PLAGL1: variants seen among roughly 807,000 people sequenced by gnomAD.
PLAGL1 encodes PLAG1 like zinc finger 1.
In PLAGL1, 1 loss-of-function variant was observed where a neutral mutation model predicts 4.6. That is an observed-to-expected ratio of 0.22 (90% CI 0.08 to 1.03). The LOEUF (loss-of-function observed/expected upper bound fraction) is 1.03. Among genes scored for constraint, PLAGL1 ranks in the 50% least tolerant of loss-of-function variants. PLAGL1 has a pLI of 0.58. For synonymous variants in PLAGL1, 240 were observed against 237.8 expected (o/e 1.01, Z -0.08); for missense variants, 464 against 570.4 (o/e 0.81, Z 1.90).
chr6:144,054,776 AGTGTGTGTGTGT>A lies in PLAGL1; in HGVS notation c.-151+9680_-151+9691del, dbSNP rs55975441. On this transcript the variant is annotated intron_variant, in intron 1 of 3. Transcript: ENST00000437412. ...AAAAGAAAAAGAAAAACTAAAAAAG[AGTGTGTGTGTGT>A]GTGTGTGTGTGTGTGTGTGTGTGTG... Among the ~76,000 whole-genome samples the A allele has an allele frequency of 5.4e-3, 771 of 142,268 alleles. 9 individuals are homozygous for A. Among genetic ancestry groups the A allele is most frequent in the South Asian group, 0.019 (81 of 4,312 alleles). The allele number at this position is 142,268 out of a possible 152,430, so 93.3% of individuals were successfully genotyped here. A position where few individuals can be genotyped will look rare whatever the true frequency, so the allele number is the denominator to read the frequency against.
At position 143,971,215 on chromosome 6, in the gene PLAGL1, C is replaced by T. The variant is rs989804485; in HGVS notation, c.-543-2237G>A. On this transcript the variant is annotated intron_variant, in intron 2 of 7. Coordinates refer to ENST00000674357, the MANE Select transcript of PLAGL1 (RefSeq NM_001317162.2). The surrounding 1 kb of genome is among the most constrained non-coding windows in gnomAD (Gnocchi z 4.7). ...ATCTCAGAATCACATCCCGCTGACC[C>T]GACGTTATTTGTACAACCCATACAA... Among the ~76,000 whole-genome samples, 4 of 152,048 alleles carry T rather than the reference C, an allele frequency of 2.6e-5. No individual in the cohort carries two copies. Among genetic ancestry groups the T allele is most frequent in the Admixed American group, 6.6e-5 (1 of 15,260 alleles).
Position 143,995,807 on chromosome 6 carries a change from C to A in PLAGL1, c.-583-10633G>T, listed in dbSNP as rs556324960. Among the ~76,000 whole-genome samples, 62 of 151,924 alleles carry A rather than the reference C, an allele frequency of 4.1e-4. No individual in the cohort carries two copies. The highest frequency in any genetic ancestry group is 6.9e-4 in the Non-Finnish European group (47 of 68,000). On this transcript the variant is annotated intron_variant, in intron 1 of 7. Transcript: ENST00000674357. The surrounding 1 kb of genome is among the most constrained non-coding windows in gnomAD (Gnocchi z 4.4). The stretch of plus-strand genomic sequence containing the variant: ...AATTTAACACTTGATGGGCTCAAAT[C>A]TTAATTATAAAACAGAGGTTTTTGT...
In PLAGL1 at chr6:143,963,319, G is replaced by A. The variant is rs118116864; in HGVS notation, c.-399+1468C>T. Among the ~76,000 whole-genome samples the A allele has an allele frequency of 3.9e-5, 6 of 152,164 alleles. No homozygotes were observed. The highest frequency in any genetic ancestry group is 1.9e-4 in the East Asian group (1 of 5,182). ...AGACTAATACATCTACCTCCCTCCC[G>A]CAGCTCTCGGGATACCTTGCAGTGC... is the stretch of plus-strand genomic sequence containing the variant. On this transcript the variant is annotated intron_variant, in intron 5 of 7. Transcript: ENST00000674357. The surrounding 1 kb of genome is among the most constrained non-coding windows in gnomAD (Gnocchi z 6.1).
intron 1 of PLAGL1, among the ~76,000 whole-genome samples, chr6:144,025,412 A>T (rs186687256): frequency 3.4e-4 from 52 of 152,340 alleles, no homozygotes; most frequent in Admixed American, 1.5e-3. Flanking sequence ...CATCCAAAGT[A>T]TGAGGTTTAC....
Position 143,942,395 on chromosome 6 carries a change from C to A in PLAGL1, c.421G>T (p.Ala141Ser), listed in dbSNP as rs17847327. The change falls in exon 8 of 8, where the codon GCC becomes TCC. Residue 141 changes from alanine to serine, a missense_variant. Around this residue, in one of 4 missense-constraint regions of PLAGL1, gnomAD observed 161 missense variants for 196.7 expected, o/e 0.82. Transcript: ENST00000674357. The surrounding 1 kb of genome is among the most constrained non-coding windows in gnomAD (Gnocchi z 7.6). ...STEVLLDHLKAHAEEKPPSGT... is the reference protein window; with the variant it reads ...STEVLLDHLKSHAEEKPPSGT... ...CTAGGGGGCTTCTCTTCCGCATGGG[C>A]TTTGAGGTGGTCCAGTAGCACCTCG... 2,942 of 1,614,120 alleles carry A rather than the reference C, an allele frequency of 1.8e-3. 37 individuals carry two copies. The East Asian group carries it at 0.03, about 16-fold the overall frequency.
At chr6:144,041,099 G>C (rs1198755511) in intron 1 of PLAGL1, among the ~76,000 whole-genome samples, 2 of 152,098 alleles carry the variant, frequency 1.3e-5, no homozygotes, top group Admixed American at 6.5e-5. Context: ...ATGGGGAGTA[G>C]CAAGTTAACA....
At position 144,056,429 on chromosome 6, in the gene PLAGL1, T is replaced by C. The variant is rs550897298; in HGVS notation, c.-151+8039A>G. On this transcript the variant is annotated intron_variant, in intron 1 of 3. Transcript: ENST00000437412. The surrounding 1 kb of genome is among the most constrained non-coding windows in gnomAD (Gnocchi z 4.7). ...ATTTATAACAGCATATATCTACTAATATAGTGCCATACAGAGTAGTGTCAC... is the reference window on the plus strand; with the variant it reads ...ATTTATAACAGCATATATCTACTAACATAGTGCCATACAGAGTAGTGTCAC... Among the ~76,000 whole-genome samples the C allele has an allele frequency of 6.6e-6, 1 of 152,324 alleles. No individual in the cohort carries two copies. Among genetic ancestry groups the C allele is most frequent in the Admixed American group, 6.5e-5 (1 of 15,306 alleles).
rs560330025 is a variant in PLAGL1 at position 143,964,330 on chromosome 6, A to G, written c.-399+457T>C. 9.9e-5 allele frequency among the ~76,000 whole-genome samples: 15 copies of G among 152,234 alleles called. No homozygotes were observed. The South Asian group carries it at 2.9e-3, about 29-fold the overall frequency. On this transcript the variant is annotated intron_variant, in intron 5 of 7. Transcript: ENST00000674357. The surrounding 1 kb of genome is among the most constrained non-coding windows in gnomAD (Gnocchi z 4.3). Reference sequence around the variant, plus strand: ...ACTGAAGGTCAGAGGTGGGTTCCTCATCTTCCAGAGGCCATGAAAATCTCC... The same window carrying G: ...ACTGAAGGTCAGAGGTGGGTTCCTCGTCTTCCAGAGGCCATGAAAATCTCC...
intron 6 of PLAGL1, among the ~76,000 whole-genome samples, chr6:143,951,985 G>A (rs1781163618): frequency 2.0e-5 from 3 of 151,912 alleles, no homozygotes; most frequent in Middle Eastern, 6.8e-3. Context: ...CTTCCATATG[G>A]GCCTTAGAAT....
Position 143,942,390 on chromosome 6 carries a change from A to C in PLAGL1, c.426T>G (p.His142Gln). ...TEVLLDHLKA[H>Q]AEEKPPSGTK... ...TTCCGCTAGGGGGCTTCTCTTCCGC[A>C]TGGGCTTTGAGGTGGTCCAGTAGCA... The change falls in exon 8 of 8, where the codon CAT becomes CAG. Residue 142 changes from histidine to glutamine, a missense_variant. By Grantham distance (24) the His-to-Gln change is conservative. Around this residue, in one of 4 missense-constraint regions of PLAGL1, gnomAD observed 161 missense variants for 196.7 expected, o/e 0.82. Coordinates refer to ENST00000674357, the MANE Select transcript of PLAGL1 (RefSeq NM_001317162.2). This position sits in a 1 kb window ranked among gnomAD's most constrained non-coding sequence, Gnocchi z 7.6. The C allele has an allele frequency of 6.2e-7, 1 of 1,614,054 alleles. No individual in the cohort carries two copies. Among genetic ancestry groups the C allele is most frequent in the Non-Finnish European group, 8.5e-7 (1 of 1,180,010 alleles).
Position 143,984,829 on chromosome 6 carries a change from G to A in PLAGL1, c.-544+306C>T, listed in dbSNP as rs1015312920. Among the ~76,000 whole-genome samples the A allele has an allele frequency of 2.0e-5, 3 of 152,086 alleles. No individual in the cohort carries two copies. The highest frequency in any genetic ancestry group is 2.9e-5 in the Non-Finnish European group (2 of 68,004). The stretch of plus-strand genomic sequence containing the variant: ...GAGGAAGACTAATGCCCAACAGGAC[G>A]TCTGCATCTATATACAACCTCAGCT... On this transcript the variant is annotated intron_variant, in intron 2 of 7. Coordinates refer to ENST00000674357, the MANE Select transcript of PLAGL1 (RefSeq NM_001317162.2). This position sits in a 1 kb window ranked among gnomAD's most constrained non-coding sequence, Gnocchi z 5.5.
Position 143,942,725 on chromosome 6 carries a change from G to A in PLAGL1, c.153-62C>T, listed in dbSNP as rs1365201047. On this transcript the variant is annotated intron_variant, in intron 7 of 7. Coordinates refer to ENST00000674357, the MANE Select transcript of PLAGL1 (RefSeq NM_001317162.2). This position sits in a 1 kb window ranked among gnomAD's most constrained non-coding sequence, Gnocchi z 7.6. Reference sequence around the variant, plus strand: ...GTTTTAAGAGCTGAAGAAAGGTGTAGCAACAATATTATATCAAAATGTTAA... The same window carrying A: ...GTTTTAAGAGCTGAAGAAAGGTGTAACAACAATATTATATCAAAATGTTAA... 3.4e-5 allele frequency: 41 copies of A among 1,207,486 alleles called. 1 individual carries two copies. The East Asian group carries it at 9.4e-4, about 28-fold the overall frequency. 74.8% of individuals were successfully genotyped at this position (1,207,486 alleles called of 1,614,324 possible).
chr6:144,012,841 T>C (rs2064661), upstream of PLAGL1, among the ~76,000 whole-genome samples: 122,886 of 152,122 alleles, frequency 0.81, 49,754 homozygotes, highest in Non-Finnish European at 0.84. The surrounding 1 kb of genome is among the most constrained non-coding windows in gnomAD (Gnocchi z 4.8). Flanking sequence ...TGAGGAACAA[T>C]GGGACTGTGG....
At chr6:143,980,453 A>G (rs1041363970) in intron 2 of PLAGL1, among the ~76,000 whole-genome samples, 12 of 133,546 alleles carry the variant, frequency 9.0e-5, no homozygotes, top group African/African-American at 3.4e-4. Context: ...GTATTTTGGG[A>G]TTTTAATCCT....
rs539076499 is a variant in PLAGL1 at position 144,004,754 on chromosome 6, T to TA, written c.-584+3335dup. Among the ~76,000 whole-genome samples the TA allele has an allele frequency of 6.6e-6, 1 of 151,952 alleles. No homozygotes were observed. ...AAACATATGTAGAATTCAACATGGA[T>TA]AAAAAATATATTAAATACATTAAAT... On this transcript the variant is annotated intron_variant, in intron 1 of 7. Transcript: ENST00000674357. This position sits in a 1 kb window ranked among gnomAD's most constrained non-coding sequence, Gnocchi z 4.2.
chr6:144,012,654 TTTAGG>T (rs1795271555), upstream of PLAGL1, among the ~76,000 whole-genome samples: 1 of 152,210 alleles, frequency 6.6e-6, no homozygotes, highest in South Asian at 2.1e-4. This position sits in a 1 kb window ranked among gnomAD's most constrained non-coding sequence, Gnocchi z 4.8. Context: ...CTTTTTTATC[TTTAGG>T]TTATTTCCAC....
chr6:143,966,185 T>C lies in PLAGL1; in HGVS notation c.-458A>G, dbSNP rs1390702911. The C allele has an allele frequency of 6.6e-6, 1 of 152,218 alleles. No individual in the cohort carries two copies. Among genetic ancestry groups the C allele is most frequent in the African/African-American group, 2.4e-5 (1 of 41,462 alleles). The allele number at this position is 152,218 out of a possible 1,614,324, so 9.4% of individuals were successfully genotyped here. ...GTTTGGAATTCTTCAATGGTCCCAT[T>C]AGGTTTCTGTCGACTGCAACGAAAA... On this transcript the variant is annotated 5_prime_UTR_variant, in exon 4 of 8. Coordinates refer to ENST00000674357, the MANE Select transcript of PLAGL1 (RefSeq NM_001317162.2). This position sits in a 1 kb window ranked among gnomAD's most constrained non-coding sequence, Gnocchi z 6.0.
In PLAGL1 at chr6:143,982,345, G is replaced by A. The variant is rs768865776; in HGVS notation, c.-544+2790C>T. Among the ~76,000 whole-genome samples, 5 of 152,048 alleles carry A rather than the reference G, an allele frequency of 3.3e-5. No individual in the cohort carries two copies. The highest frequency in any genetic ancestry group is 6.6e-5 in the Admixed American group (1 of 15,262). ...TCTGGGTACAATAATTGCAAAACTC[G>A]ATGCAGAAACAAGAAAACTGGTATG... On this transcript the variant is annotated intron_variant, in intron 2 of 7. Transcript: ENST00000674357. This position sits in a 1 kb window ranked among gnomAD's most constrained non-coding sequence, Gnocchi z 5.3.
rs1785296075 is a variant in PLAGL1, at chr6:143,970,892, T to C, written c.-543-1914A>G. 6.6e-6 allele frequency among the ~76,000 whole-genome samples: 1 copy of C among 152,184 alleles called. No homozygotes were observed. The highest frequency in any genetic ancestry group is 1.5e-5 in the Non-Finnish European group (1 of 68,014). On this transcript the variant is annotated intron_variant, in intron 2 of 7. Transcript: ENST00000674357. The surrounding 1 kb of genome is among the most constrained non-coding windows in gnomAD (Gnocchi z 5.8). ...ACTGCAGTTACTTCCCTGGCCTGTC[T>C]GTAGTTCTTTTTTATTAATGTAGAC...
Sources: allele counts gnomAD v4.1 joint callset (sites outside exome capture counted in the v4.1 genomes callset), GRCh38; gene constraint gnomAD v4.1.1; regional missense constraint gnomAD v4.1.1; non-coding constraint Gnocchi (gnomAD v3.1); transcripts MANE v1.5; gene names NCBI Gene and HGNC (gene_info 2026-07-23, HGNC 2026-07-21).